LUZP2: variants seen among roughly 807,000 people sequenced by gnomAD.
LUZP2 encodes the protein leucine zipper protein 2.
Under a neutral mutation model 51.6 loss-of-function variants are expected in LUZP2, and 52 were observed. The observed-to-expected ratio is 1.01, with a 90% CI of 0.81 to 1.27. The LOEUF (loss-of-function observed/expected upper bound fraction) is 1.27. LUZP2 is among the 50% of genes most tolerant of loss of function. LUZP2 has a pLI of 0.00. For synonymous variants in LUZP2, 154 were observed against 137.3 expected (o/e 1.12, Z -0.85); for missense variants, 436 against 395.4 (o/e 1.10, Z -0.87).
At chr11:25,068,291 G>T (rs1176504244) in intron 10 of LUZP2, among the ~76,000 whole-genome samples, 1 of 151,940 alleles carries the variant, frequency 6.6e-6, no homozygotes, top group Non-Finnish European at 1.5e-5. Context: ...TTCTGTACAT[G>T]TATCCCAGAA....
Position 25,055,194 on chromosome 11 carries a change from A to G in LUZP2, c.858+5064A>G, listed in dbSNP as rs182677311. On this transcript the variant is annotated intron_variant, in intron 10 of 11. Coordinates refer to ENST00000336930, the MANE Select transcript of LUZP2 (RefSeq NM_001009909.4). ...ACCAGCTAATTTTTGTATTTTTAGT[A>G]GAGACGGGCTTTCACCATGCTGGCC... 6.6e-3 allele frequency among the ~76,000 whole-genome samples: 997 copies of G among 151,446 alleles called. 6 individuals are homozygous for G. Among genetic ancestry groups the G allele is most frequent in the Non-Finnish European group, 0.011 (725 of 67,842 alleles).
At chr11:24,993,601 C>T (rs894733550) in intron 9 of LUZP2, among the ~76,000 whole-genome samples, 6 of 152,040 alleles carry the variant, frequency 3.9e-5, no homozygotes, top group Admixed American at 6.6e-5. Context: ...TACCATTATG[C>T]GATGCCTTTT....
intron 5 of LUZP2, among the ~76,000 whole-genome samples, chr11:24,887,624 C>T (rs1373583700): frequency 6.6e-6 from 1 of 152,056 alleles, no homozygotes; most frequent in Non-Finnish European, 1.5e-5. Context: ...GTAACTGAGC[C>T]CTAGTTCTGA....
intron 1 of LUZP2, among the ~76,000 whole-genome samples, chr11:24,669,499 G>A (rs1590324442): frequency 6.6e-6 from 1 of 151,694 alleles, no homozygotes; most frequent in Non-Finnish European, 1.5e-5. Context: ...TGCTACAATT[G>A]TTTTAAACCA....
chr11:24,509,004 G>T (rs1447108996), intron 1 of LUZP2, among the ~76,000 whole-genome samples: 1 of 152,120 alleles, frequency 6.6e-6, no homozygotes, highest in African/African-American at 2.4e-5. Context: ...TATTTGGGAA[G>T]TAACTCAGAA....
At chr11:24,622,847 A>T (rs2133909701) in intron 1 of LUZP2, among the ~76,000 whole-genome samples, 1 of 152,300 alleles carries the variant, frequency 6.6e-6, no homozygotes, top group South Asian at 2.1e-4. Flanking sequence ...CTTTCACTTT[A>T]CAAAACTGCC....
intron 6 of LUZP2, among the ~76,000 whole-genome samples, chr11:24,907,693 C>G (rs546988949): frequency 6.6e-6 from 1 of 152,250 alleles, no homozygotes; most frequent in South Asian, 2.1e-4. Flanking sequence ...TCAGGGTTCA[C>G]ATGACACTCA....
At chr11:24,698,282 T>G (rs562487451) in intron 1 of LUZP2, among the ~76,000 whole-genome samples, 39 of 152,286 alleles carry the variant, frequency 2.6e-4, no homozygotes, top group African/African-American at 9.1e-4. Context: ...GTGCTGAAAT[T>G]TTATCCATAT....
intron 9 of LUZP2, among the ~76,000 whole-genome samples, chr11:24,996,909 A>T (rs372101077): frequency 1.3e-5 from 2 of 151,316 alleles, no homozygotes; most frequent in East Asian, 3.9e-4. Context: ...GAGAATGATG[A>T]TTTCCAATTT....
At chr11:24,649,365 T>A (rs1281188739) in intron 1 of LUZP2, among the ~76,000 whole-genome samples, 1 of 151,958 alleles carries the variant, frequency 6.6e-6, no homozygotes, top group African/African-American at 2.4e-5. Context: ...TCCTTCAAAC[T>A]TGGAACATAT....
At chr11:25,023,312 A>G (rs1196680860) in intron 9 of LUZP2, among the ~76,000 whole-genome samples, 1 of 151,994 alleles carries the variant, frequency 6.6e-6, no homozygotes, top group East Asian at 1.9e-4. Flanking sequence ...AATAGCCTCA[A>G]TTTCACAGTC....
At chr11:24,847,402 A>C (rs1267433078) in intron 5 of LUZP2, among the ~76,000 whole-genome samples, 1 of 152,166 alleles carries the variant, frequency 6.6e-6, no homozygotes, top group Non-Finnish European at 1.5e-5. Context: ...TACAGTATAC[A>C]GACATTTCGT....
At chr11:24,687,016 T>C (rs1856916308) in intron 1 of LUZP2, among the ~76,000 whole-genome samples, 1 of 152,198 alleles carries the variant, frequency 6.6e-6, no homozygotes, top group Non-Finnish European at 1.5e-5. Context: ...AAATGAATTA[T>C]GATTAAGATT....
At chr11:24,835,159 T>A (rs1850824589) in intron 5 of LUZP2, among the ~76,000 whole-genome samples, 1 of 152,000 alleles carries the variant, frequency 6.6e-6, no homozygotes, top group African/African-American at 2.4e-5. Flanking sequence ...ACACCACACA[T>A]CTATAACCAT....
chr11:24,972,405 A>G (rs1855767484), intron 7 of LUZP2, among the ~76,000 whole-genome samples: 1 of 152,104 alleles, frequency 6.6e-6, no homozygotes, highest in Non-Finnish European at 1.5e-5. Context: ...CTATAAGTTA[A>G]GTACTATTAT....
At position 25,079,461 on chromosome 11, in the gene LUZP2, A is replaced by C. The variant is rs967724760; in HGVS notation, c.*803A>C. 1 of 152,180 alleles carries C rather than the reference A, an allele frequency of 6.6e-6. No homozygotes were observed. The highest frequency in any genetic ancestry group is 2.4e-5 in the African/African-American group (1 of 41,456). 9.4% of individuals were successfully genotyped at this position (152,180 alleles called of 1,614,324 possible). On this transcript the variant is annotated 3_prime_UTR_variant, in exon 12 of 12. Transcript: ENST00000336930. ...GAATGAAGAGTGAGTTCTAAAATAC[A>C]AATATGAAAGCAGGTAATATATATC...
chr11:25,060,995 T>C (rs1347338775), intron 10 of LUZP2, among the ~76,000 whole-genome samples: 1 of 152,200 alleles, frequency 6.6e-6, no homozygotes, highest in Non-Finnish European at 1.5e-5. Flanking sequence ...AAATTTAACA[T>C]TGGCAATTTC....
chr11:24,803,950 A>G (rs1004559901), intron 5 of LUZP2, among the ~76,000 whole-genome samples: 19 of 151,642 alleles, frequency 1.3e-4, no homozygotes, highest in Non-Finnish European at 2.4e-4. Flanking sequence ...GGAGATTAGA[A>G]TAAAGCAGTG....
intron 4 of LUZP2, among the ~76,000 whole-genome samples, chr11:24,741,501 G>A (rs546147954): frequency 6.6e-6 from 1 of 151,576 alleles, no homozygotes; most frequent in African/African-American, 2.4e-5. Flanking sequence ...GTGAGATTTT[G>A]GTGCACCCAT....
Sources: gnomAD v4.1 joint callset for allele counts (sites outside exome capture counted in the v4.1 genomes callset) on GRCh38, gnomAD v4.1.1 for gene constraint, MANE v1.5 for transcripts, NCBI Gene and HGNC (gene_info 2026-07-23, HGNC 2026-07-21) for gene names.